TM7SF3: variants seen among roughly 807,000 people sequenced by gnomAD.
TM7SF3 encodes the protein transmembrane 7 superfamily member 3, also known as seven span transmembrane protein.
A neutral mutation model predicts 65.5 loss-of-function variants in TM7SF3; 60 were observed. That is an observed-to-expected ratio of 0.92 (90% CI 0.74 to 1.14). The LOEUF is 1.14. TM7SF3 is among the 50% of genes most tolerant of loss of function. The pLI, the probability that TM7SF3 is intolerant of heterozygous loss-of-function variation, is 0.00. For missense variants in TM7SF3, 623 were observed against 684.8 expected, an observed-to-expected ratio of 0.91 and a Z score of 1.01; for synonymous variants, 264 against 259.6, an observed-to-expected ratio of 1.02 and a Z score of -0.16.
chr12:27,010,341 T>A (rs182586251), intron 1 of TM7SF3, among the ~76,000 whole-genome samples: 1 of 151,986 alleles, frequency 6.6e-6, no homozygotes, highest in Admixed American at 6.6e-5. Flanking sequence ...ACGAAAAAAT[T>A]AGTGGGAAGA....
At chr12:26,976,179 A>G in intron 10 of TM7SF3, 81 bp downstream of exon 10, 3 of 1,104,342 alleles carry the variant, frequency 2.7e-6, no homozygotes, top group Non-Finnish European at 4.1e-6. Context: ...TGAATAAAAC[A>G]TGCAAAATGA....
At chr12:26,986,942 A>C (rs1421325729) in intron 6 of TM7SF3, among the ~76,000 whole-genome samples, 2 of 152,148 alleles carry the variant, frequency 1.3e-5, no homozygotes, top group Non-Finnish European at 2.9e-5. Flanking sequence ...TTCAACATAC[A>C]TCACTTTCCT....
At chr12:26,987,532 T>C (rs1175085654) in intron 6 of TM7SF3, among the ~76,000 whole-genome samples, 2 of 152,174 alleles carry the variant, frequency 1.3e-5, no homozygotes, top group East Asian at 3.9e-4. Context: ...AAGGATTTCA[T>C]CCAGAGAATA....
chr12:26,986,405 C>T (rs530295365), intron 6 of TM7SF3, among the ~76,000 whole-genome samples: 2 of 152,196 alleles, frequency 1.3e-5, no homozygotes, highest in Non-Finnish European at 2.9e-5. Flanking sequence ...TAGAAATTTT[C>T]CATCCACTGA....
intron 11 of TM7SF3, among the ~76,000 whole-genome samples, chr12:26,974,750 G>C (rs1409493169): frequency 6.6e-6 from 1 of 152,044 alleles, no homozygotes; most frequent in African/African-American, 2.4e-5. Flanking sequence ...AACACTGTCT[G>C]GTACTTAAAA....
At chr12:26,974,977 C>A (rs1565863697) in intron 11 of TM7SF3, among the ~76,000 whole-genome samples, 1 of 152,166 alleles carries the variant, frequency 6.6e-6, no homozygotes. Flanking sequence ...ACAATCTGAA[C>A]AATTCATGTG....
At chr12:26,995,717 A>G (rs1171316561) in intron 4 of TM7SF3, among the ~76,000 whole-genome samples, 1 of 152,170 alleles carries the variant, frequency 6.6e-6, no homozygotes. Context: ...CTGCCCTCAT[A>G]AAGGAGATCC....
At chr12:26,996,971 TA>T in intron 3 of TM7SF3, 109 bp from the exon 4 acceptor site, 2 of 1,164,218 alleles carry the variant, frequency 1.7e-6, no homozygotes, top group South Asian at 3.3e-5. Flanking sequence ...AAATAGAAGT[TA>T]AATATAAACG....
chr12:26,991,591 T>C (rs887943312), intron 5 of TM7SF3, among the ~76,000 whole-genome samples: 1 of 152,204 alleles, frequency 6.6e-6, no homozygotes, highest in African/African-American at 2.4e-5. Context: ...TTATGAGCCC[T>C]CCTACATCAG....
intron 9 of TM7SF3, among the ~76,000 whole-genome samples, chr12:26,977,068 C>T (rs1592270088): frequency 6.6e-6 from 1 of 152,358 alleles, no homozygotes; most frequent in East Asian, 1.9e-4. Context: ...AATACTGACA[C>T]TGGCACCACC....
intron 11 of TM7SF3, 63 bp from the exon 12 acceptor site, chr12:26,974,290 C>G (rs890968525): frequency 3.0e-5 from 46 of 1,521,098 alleles, no homozygotes; most frequent in Non-Finnish European, 3.8e-5. Flanking sequence ...CATAATAATA[C>G]AACCCTTCAT....
Position 26,971,673 on chromosome 12 carries a change from A to C in TM7SF3, c.*2292T>G, listed in dbSNP as rs569790909. The stretch of plus-strand genomic sequence containing the variant: ...TTTAAACAATTAGTATCCTCCCTCC[A>C]AAATAGTGTGTTCTGTCTTTACAGT... On this transcript the variant is annotated 3_prime_UTR_variant, in exon 12 of 12. Coordinates refer to ENST00000343028, the MANE Select transcript of TM7SF3 (RefSeq NM_016551.3). 11 of 152,316 alleles carry C rather than the reference A, an allele frequency of 7.2e-5. No homozygotes were observed. Among genetic ancestry groups the C allele is most frequent in the African/African-American group, 2.6e-4 (11 of 41,568 alleles). 9.4% of individuals were successfully genotyped at this position (152,316 alleles called of 1,614,324 possible). A position where few individuals can be genotyped will look rare whatever the true frequency, so the allele number is the denominator to read the frequency against.
rs767279252 is a variant in TM7SF3, at chr12:26,977,306, C to CTGG, written c.1190-950_1190-949insCCA. Among the ~76,000 whole-genome samples, 32 of 152,230 alleles carry CTGG rather than the reference C, an allele frequency of 2.1e-4. 1 individual carries two copies. The highest frequency in any genetic ancestry group is 3.3e-4 in the Admixed American group (5 of 15,282). On this transcript the variant is annotated intron_variant, in intron 9 of 11. Coordinates refer to ENST00000343028, the MANE Select transcript of TM7SF3 (RefSeq NM_016551.3). Reference sequence around the variant, plus strand: ...TTCTTGTAAAAGGCTTTCAAGAAATCTAAGTATTGAAAATAGTTACGATGC... The same window carrying CTGG: ...TTCTTGTAAAAGGCTTTCAAGAAATCTGGTAAGTATTGAAAATAGTTACGATGC...
intron 7 of TM7SF3, among the ~76,000 whole-genome samples, chr12:26,981,988 A>G (rs916192935): frequency 1.3e-5 from 2 of 152,122 alleles, no homozygotes; most frequent in South Asian, 2.1e-4. Flanking sequence ...AACCAAGTCA[A>G]TCGCCATCAC....
chr12:26,980,062 AGTG>A, intron 8 of TM7SF3, 126 bp from the exon 9 acceptor site: 2 of 1,139,270 alleles, frequency 1.8e-6, no homozygotes, highest in Non-Finnish European at 2.5e-6. Flanking sequence ...AGGGCTCTTC[AGTG>A]GTGCCATGAA....
intron 6 of TM7SF3, among the ~76,000 whole-genome samples, chr12:26,990,151 C>A (rs1940283370): frequency 6.6e-6 from 1 of 152,186 alleles, no homozygotes; most frequent in African/African-American, 2.4e-5. Context: ...TCAAATTTTC[C>A]TCTTACTGGC....
In TM7SF3 at chr12:27,000,821, T is replaced by C. The variant is rs576560084; in HGVS notation, c.247-1145A>G. On this transcript the variant is annotated intron_variant, in intron 2 of 11. Coordinates refer to ENST00000343028, the MANE Select transcript of TM7SF3 (RefSeq NM_016551.3). Reference sequence around the variant, plus strand: ...TGTGAAACCATTACCACAATCAAAATAGCAAATGTATGCATCACCCCAAGT... The same window carrying C: ...TGTGAAACCATTACCACAATCAAAACAGCAAATGTATGCATCACCCCAAGT... Among the ~76,000 whole-genome samples, 12 of 152,158 alleles carry C rather than the reference T, an allele frequency of 7.9e-5. No homozygotes were observed. In the East Asian group the frequency reaches 2.3e-3, roughly 29 times the overall value.
In TM7SF3 at chr12:26,972,410, G is replaced by C. The variant is rs1939397757; in HGVS notation, c.*1555C>G. On this transcript the variant is annotated 3_prime_UTR_variant, in exon 12 of 12. Transcript: ENST00000343028. The stretch of plus-strand genomic sequence containing the variant: ...TTTTTCTAAGGTTTTCTTATTAATG[G>C]CAATACAGACTTTTTTTTTTTTTGA... 6.7e-6 allele frequency: 1 copy of C among 148,580 alleles called. No individual in the cohort carries two copies. Among genetic ancestry groups the C allele is most frequent in the Non-Finnish European group, 1.5e-5 (1 of 67,372 alleles). 9.2% of individuals were successfully genotyped at this position (148,580 alleles called of 1,614,324 possible).
intron 11 of TM7SF3, among the ~76,000 whole-genome samples, chr12:26,975,036 G>A (rs1939509720): frequency 6.6e-6 from 1 of 152,102 alleles, no homozygotes; most frequent in Non-Finnish European, 1.5e-5. Flanking sequence ...GTAATGGATA[G>A]AATCTTACAA....
Sources: allele counts gnomAD v4.1 joint callset (sites outside exome capture counted in the v4.1 genomes callset), GRCh38; gene constraint gnomAD v4.1.1; transcripts MANE v1.5; gene names NCBI Gene and HGNC (gene_info 2026-07-23, HGNC 2026-07-21).